The following ADD3 variants were observed in gnomAD, a reference collection of about 807,000 sequenced individuals.
ADD3 encodes the protein adducin 3.
In ADD3, 25 loss-of-function variants were observed where a neutral mutation model predicts 80.2. The observed-to-expected ratio is 0.31, with a 90% confidence interval of 0.23 to 0.44. The LOEUF (loss-of-function observed/expected upper bound fraction) is 0.44, where lower values mean the gene tolerates loss of function less well. Among genes scored for constraint, ADD3 ranks in the 20% least tolerant of loss-of-function variants. ADD3 has a pLI of 1.00. For missense variants in ADD3, 829 were observed against 847.5 expected (o/e 0.98, Z 0.27); for synonymous variants, 284 against 289.6 (o/e 0.98, Z 0.20).
At chr10:110,077,266 G>A (rs1186175390) in intron 1 of ADD3, 1 of 151,134 alleles carries the variant, frequency 6.6e-6, no homozygotes, top group Non-Finnish European at 1.5e-5. Context: ...ACTCCACTAA[G>A]TTTTTTTTCT....
intron 1 of ADD3, among the ~76,000 whole-genome samples, chr10:110,046,736 A>G (rs1856952967): frequency 6.6e-6 from 1 of 152,190 alleles, no homozygotes; most frequent in Admixed American, 6.5e-5. Flanking sequence ...GGTGAGTATT[A>G]AGTACGATAA....
intron 5 of ADD3, 51 bp downstream of exon 5, chr10:110,117,473 C>A: frequency 1.8e-6 from 2 of 1,111,066 alleles, no homozygotes; most frequent in Non-Finnish European, 2.8e-6. Flanking sequence ...TTTGGCTTTT[C>A]TGACAGTTCT....
At chr10:110,114,577 T>G (rs192714646) in intron 3 of ADD3, among the ~76,000 whole-genome samples, 116 of 152,248 alleles carry the variant, frequency 7.6e-4, no homozygotes, top group African/African-American at 2.7e-3. Flanking sequence ...AGTCATGAAA[T>G]GTGGTGACAA....
At chr10:110,074,507 T>C (rs552540512) in intron 1 of ADD3, among the ~76,000 whole-genome samples, 1 of 152,084 alleles carries the variant, frequency 6.6e-6, no homozygotes, top group South Asian at 2.1e-4. Flanking sequence ...CTGACGTTGA[T>C]TGGAGGGCAA....
chr10:110,107,387 A>T (rs1262726205), intron 2 of ADD3, among the ~76,000 whole-genome samples: 1 of 152,144 alleles, frequency 6.6e-6, no homozygotes, highest in Non-Finnish European at 1.5e-5. Context: ...CATTGGATGA[A>T]GTAGATCGAG....
upstream of ADD3, among the ~76,000 whole-genome samples, chr10:110,003,464 TTATATTTACA>T (rs1470926237): frequency 6.6e-6 from 1 of 152,120 alleles, no homozygotes; most frequent in Non-Finnish European, 1.5e-5. Context: ...TAATAATACC[TTATATTTACA>T]TAGTGCTTTG....
At chr10:110,019,634 GTGAGC>G (rs771358571) in intron 1 of ADD3, among the ~76,000 whole-genome samples, 5 of 152,164 alleles carry the variant, frequency 3.3e-5, no homozygotes, top group Non-Finnish European at 7.3e-5. Flanking sequence ...GATTACAGGC[GTGAGC>G]CACTGTGCCT....
chr10:110,037,480 C>A (rs1477680822), intron 1 of ADD3, among the ~76,000 whole-genome samples: 1 of 151,770 alleles, frequency 6.6e-6, no homozygotes, highest in Admixed American at 6.6e-5. Flanking sequence ...TGGTGGGCAC[C>A]TGTAGTCCCA....
chr10:110,006,425 C>T (rs1375112992), upstream of ADD3, among the ~76,000 whole-genome samples: 3 of 152,034 alleles, frequency 2.0e-5, no homozygotes, highest in Admixed American at 6.5e-5. Context: ...AGAAAATATC[C>T]AGCCACTCCC....
chr10:110,113,017 T>A, intron 3 of ADD3, 102 bp downstream of exon 3: 1 of 1,239,370 alleles, frequency 8.1e-7, no homozygotes, highest in East Asian at 2.3e-5. Context: ...GTCCTTAAGT[T>A]TATAACATCT....
At position 110,124,129 on chromosome 10, in the gene ADD3, C is replaced by T. The variant is rs759357131; in HGVS notation, c.1256C>T (p.Thr419Ile). The change falls in exon 10 of 15, where the codon ACA (threonine) becomes ATA (isoleucine). Residue 419 changes from threonine (T) to isoleucine (I), a missense_variant. Thr to Ile is a moderately conservative substitution (Grantham distance 89). Coordinates refer to ENST00000356080, the MANE Select transcript of ADD3 (RefSeq NM_016824.5). The part of the protein sequence containing the change: ...TVTAFSFEDD[T>I]VPLSPLKYMA... ...ACTGCTTTTTCCTTTGAAGACGATA[C>T]AGTGCCACTCTCTCCTCTCAAATAC... 6.2e-7 allele frequency: 1 copy of T among 1,614,142 alleles called. No homozygotes were observed. Among genetic ancestry groups the T allele is most frequent in the Non-Finnish European group, 8.5e-7 (1 of 1,180,002 alleles).
At chr10:110,038,703 G>T (rs1271600139) in intron 1 of ADD3, among the ~76,000 whole-genome samples, 1 of 152,102 alleles carries the variant, frequency 6.6e-6, no homozygotes, top group Non-Finnish European at 1.5e-5. Flanking sequence ...ATTCTCCAAA[G>T]AATTTACCTA....
intron 1 of ADD3, among the ~76,000 whole-genome samples, chr10:110,058,877 T>C (rs1858533813): frequency 6.6e-6 from 1 of 152,200 alleles, no homozygotes; most frequent in South Asian, 2.1e-4. Flanking sequence ...ATCTGTCATA[T>C]TACTGTTAAA....
chr10:110,044,226 T>A (rs2133327034), intron 1 of ADD3, among the ~76,000 whole-genome samples: 1 of 152,292 alleles, frequency 6.6e-6, no homozygotes, highest in South Asian at 2.1e-4. Context: ...AAAATTCTGT[T>A]GAACATCTAG....
intron 2 of ADD3, among the ~76,000 whole-genome samples, chr10:110,111,006 A>G (rs1849942839): frequency 6.6e-6 from 1 of 152,094 alleles, no homozygotes; most frequent in East Asian, 1.9e-4. Context: ...TTTCCTAGAC[A>G]TATAGGTTAT....
At chr10:110,108,656 AT>A (rs1327762561) in intron 2 of ADD3, among the ~76,000 whole-genome samples, 1 of 152,122 alleles carries the variant, frequency 6.6e-6, no homozygotes, top group Admixed American at 6.5e-5. Flanking sequence ...GTAATTAGTA[AT>A]TTTTTATATT....
intron 1 of ADD3, among the ~76,000 whole-genome samples, chr10:110,073,830 C>G (rs1845062728): frequency 6.6e-6 from 1 of 152,158 alleles, no homozygotes; most frequent in African/African-American, 2.4e-5. Context: ...AAAGGTGCTC[C>G]CAACTGAGTA....
chr10:110,049,279 C>T (rs1435408378), intron 1 of ADD3, among the ~76,000 whole-genome samples: 1 of 152,160 alleles, frequency 6.6e-6, no homozygotes, highest in Non-Finnish European at 1.5e-5. Context: ...TGGAGAACCT[C>T]TGCTAGAGCA....
intron 8 of ADD3, among the ~76,000 whole-genome samples, chr10:110,120,398 A>G (rs1030515366): frequency 2.0e-5 from 3 of 151,540 alleles, no homozygotes; most frequent in Admixed American, 6.6e-5. Context: ...TACAAAGGAC[A>G]TGAACTCATC....
Sources: allele counts gnomAD v4.1 joint callset (sites outside exome capture counted in the v4.1 genomes callset), GRCh38; gene constraint gnomAD v4.1.1; transcripts MANE v1.5; gene names NCBI Gene and HGNC (gene_info 2026-07-23, HGNC 2026-07-21).